The following GIGYF2 variants were observed in gnomAD, a reference collection of about 807,000 sequenced individuals.
The protein encoded by GIGYF2 is GRB10-interacting GYF protein 2.
GIGYF2 carries 25 observed loss-of-function variants against 208.1 expected under a neutral mutation model. The ratio of observed to expected loss-of-function variants is 0.12; its 90% CI spans 0.09 to 0.17. The LOEUF is 0.17. GIGYF2 is among the 10% of genes least tolerant of loss of function. The probability of loss-of-function intolerance (pLI) is 1.00; values close to 1 mark genes in which losing one functional copy is unlikely to be tolerated. For synonymous variants in GIGYF2, 534 were observed against 543.8 expected, an observed-to-expected ratio of 0.98 and a Z score of 0.25; for missense variants, 1,302 against 1,579.4, an observed-to-expected ratio of 0.82 and a Z score of 2.98.
At chr2:232,765,211 G>A (rs1249158329) in intron 8 of GIGYF2, 2 of 152,102 alleles carry the variant, frequency 1.3e-5, no homozygotes, top group Non-Finnish European at 2.9e-5. Flanking sequence ...TGACGATAAT[G>A]TAGGTCTTTA....
rs1690623409 is a variant in GIGYF2 at position 232,857,578 on chromosome 2, C to G, written c.*718C>G. ...GAGCAAGCTGATCTCCCCTGGCATG[C>G]TCCAACCTGATTGGACAAAGGAAGC... On this transcript the variant is annotated 3_prime_UTR_variant, in exon 29 of 29. Coordinates refer to ENST00000373563, the MANE Select transcript of GIGYF2 (RefSeq NM_001103146.3). 6.5e-6 allele frequency: 1 copy of G among 152,680 alleles called. No individual in the cohort carries two copies. Among genetic ancestry groups the G allele is most frequent in the African/African-American group, 2.4e-5 (1 of 41,432 alleles). 9.5% of individuals were successfully genotyped at this position (152,680 alleles called of 1,614,324 possible).
At chr2:232,836,321 T>TATATATATAC (rs1701620429) in intron 22 of GIGYF2, among the ~76,000 whole-genome samples, 26 of 19,744 alleles carry the variant, frequency 1.3e-3, no homozygotes, top group Non-Finnish European at 2.3e-3. Context: ...TATATATATA[T>TATATATATAC]ATATATATAC....
intron 27 of GIGYF2, among the ~76,000 whole-genome samples, chr2:232,848,612 G>T (rs1574953057): frequency 6.6e-6 from 1 of 152,136 alleles, no homozygotes; most frequent in South Asian, 2.1e-4. Flanking sequence ...CAGCCTGGGT[G>T]ACAGAGTGAG....
chr2:232,856,476 G>A lies in GIGYF2; in HGVS notation c.3833-317G>A, dbSNP rs1320665100. Among the ~76,000 whole-genome samples the A allele has an allele frequency of 2.6e-5, 4 of 152,120 alleles. 1 individual carries two copies. The East Asian group carries it at 7.8e-4, about 30-fold the overall frequency. On this transcript the variant is annotated intron_variant, in intron 28 of 28. Coordinates refer to ENST00000373563, the MANE Select transcript of GIGYF2 (RefSeq NM_001103146.3). Reference sequence around the variant, plus strand: ...AGGCCGAGGCGGGCGGATCATTTGAGGTCAGGAGTTCAAGACCAGACTGGC... The same window carrying A: ...AGGCCGAGGCGGGCGGATCATTTGAAGTCAGGAGTTCAAGACCAGACTGGC...
intron 26 of GIGYF2, among the ~76,000 whole-genome samples, 184 bp downstream of exon 26, chr2:232,846,070 A>G (rs146151211): frequency 2.0e-3 from 298 of 152,306 alleles, no homozygotes; most frequent in African/African-American, 6.9e-3. Flanking sequence ...GTAATACTAA[A>G]CTCAAATAGA....
chr2:232,852,614 G>C (rs1690401116), intron 28 of GIGYF2, among the ~76,000 whole-genome samples: 1 of 152,038 alleles, frequency 6.6e-6, no homozygotes, highest in African/African-American at 2.4e-5. Flanking sequence ...ACAAAGAATT[G>C]GTGCCTGAAA....
chr2:232,798,519 T>C (rs1036885521), intron 14 of GIGYF2, among the ~76,000 whole-genome samples: 2 of 152,220 alleles, frequency 1.3e-5, no homozygotes, highest in South Asian at 4.1e-4. Context: ...CCATTTCATA[T>C]GCCCACCAGC....
rs1038962998 is a variant in GIGYF2 at position 232,781,579 on chromosome 2, G to A, written c.533-5571G>A. Among the ~76,000 whole-genome samples the A allele has an allele frequency of 9.9e-5, 15 of 151,202 alleles. 1 individual carries two copies. Among genetic ancestry groups the A allele is most frequent in the Admixed American group, 7.2e-4 (11 of 15,226 alleles). On this transcript the variant is annotated intron_variant, in intron 8 of 28. Coordinates refer to ENST00000373563, the MANE Select transcript of GIGYF2 (RefSeq NM_001103146.3). Reference sequence around the variant, plus strand: ...GGTCTTAACCATTTTTTTTTCAGGAGCATGCATTTTGAAATCATTCTGTGG... The same window carrying A: ...GGTCTTAACCATTTTTTTTTCAGGAACATGCATTTTGAAATCATTCTGTGG...
intron 2 of GIGYF2, among the ~76,000 whole-genome samples, chr2:232,725,944 T>TG (rs1222800060): frequency 6.6e-6 from 1 of 152,234 alleles, no homozygotes; most frequent in Non-Finnish European, 1.5e-5. Context: ...TAGAAGAGGT[T>TG]GGGGCTACTT....
intron 3 of GIGYF2, among the ~76,000 whole-genome samples, chr2:232,737,907 C>CG (rs1697802606): frequency 1.2e-5 from 1 of 85,218 alleles, no homozygotes; most frequent in Admixed American, 1.3e-4. Flanking sequence ...TAAGCTTTAA[C>CG]TTTTTTTTTT....
In GIGYF2 at chr2:232,767,576, G is replaced by A. The variant is rs139337791; in HGVS notation, c.532+6140G>A. Reference sequence around the variant, plus strand: ...TGAACATATATGTATGTGTTCGGGTGTCATGTTCAAATGCTTTTAGGTTTA... The same window carrying A: ...TGAACATATATGTATGTGTTCGGGTATCATGTTCAAATGCTTTTAGGTTTA... On this transcript the variant is annotated intron_variant, in intron 8 of 28. Transcript: ENST00000373563. 5.3e-4 allele frequency: 82 copies of A among 155,082 alleles called. No homozygotes were observed. Among genetic ancestry groups the A allele is most frequent in the Non-Finnish European group, 8.3e-4 (58 of 69,762 alleles). 9.6% of individuals were successfully genotyped at this position (155,082 alleles called of 1,614,324 possible).
chr2:232,767,400 G>T (rs1295241722), intron 8 of GIGYF2: 1 of 152,338 alleles, frequency 6.6e-6, no homozygotes, highest in African/African-American at 2.4e-5. Flanking sequence ...TTTTTACTTA[G>T]GTTGCTAGAA....
intron 5 of GIGYF2, among the ~76,000 whole-genome samples, chr2:232,753,142 G>T (rs1374987954): frequency 1.6e-5 from 2 of 124,146 alleles, no homozygotes; most frequent in East Asian, 4.2e-4. Flanking sequence ...TTTATTTATT[G>T]AGACAGAATC....
At chr2:232,828,183 C>T (rs1437020624) in intron 21 of GIGYF2, among the ~76,000 whole-genome samples, 1 of 152,002 alleles carries the variant, frequency 6.6e-6, no homozygotes, top group Non-Finnish European at 1.5e-5. Context: ...CATAGGGTTT[C>T]GCCATGTTGC....
chr2:232,795,295 A>G (rs542911664), intron 13 of GIGYF2, among the ~76,000 whole-genome samples: 48 of 152,322 alleles, frequency 3.2e-4, no homozygotes, highest in African/African-American at 1.1e-3. Flanking sequence ...ATAACAGGGA[A>G]AATAGTTAAA....
rs11301320 is a variant in GIGYF2, at chr2:232,762,238, G to GT, written c.532+813dup. 4.7e-3 allele frequency among the ~76,000 whole-genome samples: 606 copies of GT among 129,140 alleles called. 2 individuals are homozygous for GT. Among genetic ancestry groups the GT allele is most frequent in the African/African-American group, 0.012 (407 of 35,206 alleles). The allele number at this position is 129,140 out of a possible 152,430, so 84.7% of individuals were successfully genotyped here. On this transcript the variant is annotated intron_variant, in intron 8 of 28. Coordinates refer to ENST00000373563, the MANE Select transcript of GIGYF2 (RefSeq NM_001103146.3). The stretch of plus-strand genomic sequence containing the variant: ...GTGTTAATCATGTCTTTTTTTTTTT[G>GT]TTTTTTTTTTTGTTTTTTTTTGAGA...
intron 3 of GIGYF2, among the ~76,000 whole-genome samples, chr2:232,739,752 G>A (rs1456075404): frequency 1.3e-5 from 2 of 151,992 alleles, no homozygotes; most frequent in African/African-American, 2.4e-5. Context: ...AAGTAGCTTT[G>A]CTAACGTTTT....
At chr2:232,850,999 C>T (rs1003310577) in intron 28 of GIGYF2, among the ~76,000 whole-genome samples, 2 of 152,110 alleles carry the variant, frequency 1.3e-5, no homozygotes, top group Non-Finnish European at 2.9e-5. Context: ...GTTTTCTTTC[C>T]ACCCTTCTGT....
chr2:232,751,155 C>G (rs1698326334), intron 5 of GIGYF2, among the ~76,000 whole-genome samples: 1 of 152,006 alleles, frequency 6.6e-6, no homozygotes, highest in Non-Finnish European at 1.5e-5. Context: ...AGTCATTGAC[C>G]ATAGCTGTGC....
Sources: gnomAD v4.1 joint callset for allele counts (sites outside exome capture counted in the v4.1 genomes callset) on GRCh38, gnomAD v4.1.1 for gene constraint, MANE v1.5 for transcripts, NCBI Gene and HGNC (gene_info 2026-07-23, HGNC 2026-07-21) for gene names.